The following STK39 variants were observed in gnomAD, a reference collection of about 807,000 sequenced individuals.
STK39 encodes the protein serine/threonine kinase 39.
Under a neutral mutation model 77.8 loss-of-function variants are expected in STK39, and 20 were observed. The observed-to-expected ratio is 0.26, with a 90% CI of 0.18 to 0.37. STK39 has a LOEUF of 0.37. Ranked by LOEUF, STK39 falls within the 10% of genes least tolerant of loss-of-function variation. STK39 has a pLI of 1.00. For missense variants in STK39, 479 were observed against 656.5 expected (o/e 0.73, Z 2.95); for synonymous variants, 246 against 234.1 (o/e 1.05, Z -0.47).
At chr2:168,062,687 G>T (rs374213527) in intron 14 of STK39, among the ~76,000 whole-genome samples, 2 of 152,286 alleles carry the variant, frequency 1.3e-5, no homozygotes, top group South Asian at 4.1e-4. Flanking sequence ...TAACCTTGCT[G>T]ATGAACCCGC....
At chr2:168,185,568 A>C (rs533907835) in intron 1 of STK39, among the ~76,000 whole-genome samples, 2 of 152,340 alleles carry the variant, frequency 1.3e-5, no homozygotes, top group Admixed American at 1.3e-4. Flanking sequence ...GCATACCTGC[A>C]TTTTATACTT....
chr2:167,978,272 C>A (rs1683332256), intron 16 of STK39, among the ~76,000 whole-genome samples: 1 of 152,038 alleles, frequency 6.6e-6, no homozygotes, highest in Non-Finnish European at 1.5e-5. Flanking sequence ...GTTTCCCAGG[C>A]AAGAGGTGGT....
chr2:168,213,847 T>G (rs1367925253), intron 1 of STK39, among the ~76,000 whole-genome samples: 1 of 152,206 alleles, frequency 6.6e-6, no homozygotes, highest in Non-Finnish European at 1.5e-5. Flanking sequence ...AGAATTTTCT[T>G]TAATCCTTAA....
chr2:167,971,901 C>T (rs1354835435), intron 16 of STK39, among the ~76,000 whole-genome samples: 4 of 152,208 alleles, frequency 2.6e-5, no homozygotes, highest in Non-Finnish European at 2.9e-5. Context: ...TGAGCCTTGC[C>T]AGTTCAATGC....
intron 14 of STK39, among the ~76,000 whole-genome samples, chr2:168,041,237 G>C (rs1355891457): frequency 1.3e-5 from 2 of 151,182 alleles, no homozygotes; most frequent in Non-Finnish European, 2.9e-5. Context: ...AACTCCTAAA[G>C]TCCAACTCTT....
intron 1 of STK39, among the ~76,000 whole-genome samples, chr2:168,231,437 T>C (rs1185828601): frequency 1.3e-5 from 2 of 151,944 alleles, no homozygotes; most frequent in East Asian, 3.9e-4. Flanking sequence ...TGTTAAAAGA[T>C]GTTAAATGGT....
chr2:168,234,989 AC>A (rs1312724121), intron 1 of STK39, among the ~76,000 whole-genome samples: 13 of 151,142 alleles, frequency 8.6e-5, no homozygotes, highest in Admixed American at 3.9e-4. Context: ...TCCATCTCTA[AC>A]AAAAAAAAAA....
chr2:168,086,822 G>C (rs963545064), intron 10 of STK39, among the ~76,000 whole-genome samples: 2 of 152,174 alleles, frequency 1.3e-5, no homozygotes, highest in African/African-American at 4.8e-5. Context: ...CTGGAAGTTG[G>C]AAGGGAACTA....
chr2:168,150,546 G>C (rs965268950), intron 5 of STK39, among the ~76,000 whole-genome samples: 1 of 152,090 alleles, frequency 6.6e-6, no homozygotes, highest in African/African-American at 2.4e-5. Flanking sequence ...GGTACTGGGA[G>C]AGAGGCTATA....
At chr2:167,964,497 C>T (rs1178761215) in intron 17 of STK39, 165 bp downstream of exon 17, 10 of 614,810 alleles carry the variant, frequency 1.6e-5, no homozygotes, top group South Asian at 2.0e-5. Context: ...AATCAGAAAA[C>T]GTTCCCTAAC....
At position 168,247,562 on chromosome 2, in the gene STK39, G is replaced by GCCGCCGCCGCCT; in HGVS notation, c.-128_-127insAGGCGGCGGCGG. 1 of 752,680 alleles carries GCCGCCGCCGCCT rather than the reference G, an allele frequency of 1.3e-6. No homozygotes were observed. Among genetic ancestry groups the GCCGCCGCCGCCT allele is most frequent in the Non-Finnish European group, 1.7e-6 (1 of 590,084 alleles). 46.6% of individuals were successfully genotyped at this position (752,680 alleles called of 1,614,324 possible). ...CTCCCCGCCCGCCGCCGCCGCCGCC[G>GCCGCCGCCGCCT]TCCCCGCCGAAGCCAGCTAGGAGGG... is the stretch of plus-strand genomic sequence containing the variant. On this transcript the variant is annotated 5_prime_UTR_variant, in exon 1 of 18. Coordinates refer to ENST00000355999, the MANE Select transcript of STK39 (RefSeq NM_013233.3).
chr2:168,156,887 C>T lies in STK39; in HGVS notation c.628+4900G>A, dbSNP rs1315956133. Among the ~76,000 whole-genome samples, 5 of 152,190 alleles carry T rather than the reference C, an allele frequency of 3.3e-5. No homozygotes were observed. In the East Asian group the frequency reaches 5.8e-4, roughly 18 times the overall value. ...ATCAGAAGCTGACTCCAGCGCTGCT[C>T]GGGTGCCTTGCTCAAAGCAGCAGCC... On this transcript the variant is annotated intron_variant, in intron 5 of 17. Transcript: ENST00000355999.
chr2:167,977,908 T>C (rs1047949453), intron 16 of STK39, among the ~76,000 whole-genome samples: 2 of 152,112 alleles, frequency 1.3e-5, no homozygotes, highest in Admixed American at 1.3e-4. Flanking sequence ...CTACAGCATT[T>C]GGGGTTGCAG....
chr2:168,150,391 G>A (rs138413367), intron 5 of STK39, among the ~76,000 whole-genome samples: 93 of 152,264 alleles, frequency 6.1e-4, no homozygotes, highest in African/African-American at 1.8e-3. Context: ...TCTCATATGT[G>A]CAGTAGAATA....
At position 167,994,738 on chromosome 2, in the gene STK39, T is replaced by C. The variant is rs114969330; in HGVS notation, c.1498+17896A>G. ...TGGCTTCTTACACTTAGCATAATGC[T>C]TTCGAGGTTCATTTCATAGAATTTT... On this transcript the variant is annotated intron_variant, in intron 16 of 17. Transcript: ENST00000355999. Among the ~76,000 whole-genome samples the C allele has an allele frequency of 8.9e-3, 1,355 of 152,332 alleles. 19 individuals are homozygous for C. Among genetic ancestry groups the C allele is most frequent in the African/African-American group, 0.031 (1,292 of 41,566 alleles).
chr2:168,112,115 A>T (rs1255240790), intron 10 of STK39, among the ~76,000 whole-genome samples: 3 of 151,634 alleles, frequency 2.0e-5, no homozygotes, highest in Non-Finnish European at 4.4e-5. Context: ...AGCAACATTT[A>T]AAGAAAAAAA....
intron 14 of STK39, among the ~76,000 whole-genome samples, chr2:168,053,018 G>C (rs1183369118): frequency 6.6e-6 from 1 of 152,194 alleles, no homozygotes; most frequent in African/African-American, 2.4e-5. Flanking sequence ...CTTTGATACT[G>C]GGCTTACTCA....
chr2:168,162,845 T>C (rs971744778), intron 4 of STK39, among the ~76,000 whole-genome samples: 2 of 151,964 alleles, frequency 1.3e-5, no homozygotes, highest in Non-Finnish European at 2.9e-5. Context: ...CTGGCCAACA[T>C]GGTGAACCCC....
At chr2:167,981,095 T>C (rs939015427) in intron 16 of STK39, among the ~76,000 whole-genome samples, 4 of 152,156 alleles carry the variant, frequency 2.6e-5, no homozygotes, top group Non-Finnish European at 5.9e-5. Context: ...GTTTATAATA[T>C]TTAATATGAG....
Sources: allele counts gnomAD v4.1 joint callset (sites outside exome capture counted in the v4.1 genomes callset), GRCh38; gene constraint gnomAD v4.1.1; transcripts MANE v1.5; gene names NCBI Gene and HGNC (gene_info 2026-07-23, HGNC 2026-07-21).